OR5B21: variants seen among roughly 807,000 people sequenced by gnomAD.
OR5B21 encodes olfactory receptor 5B21.
For missense variants in OR5B21, 372 were observed against 375.7 expected (o/e 0.99, Z 0.08); for synonymous variants, 151 against 143.3 (o/e 1.05, Z -0.38).
chr11:58,507,265 T>G lies in OR5B21; in HGVS notation c.841A>C (p.Met281Leu). Residue 281 changes from methionine (M) to leucine (L), a missense_variant, in exon 1 of 1, where the codon ATG becomes CTG. Transcript: ENST00000360374. ...AGGCTGTATATCAAGGGATTCAGCA[T>G]GGGAATCACCACTGTGTAAAACACA... ...ASVFYTVVIP[M>L]LNPLIYSLRN... 2 of 1,614,082 alleles carry G rather than the reference T, an allele frequency of 1.2e-6. No individual in the cohort carries two copies. Among genetic ancestry groups the G allele is most frequent in the South Asian group, 1.1e-5 (1 of 91,082 alleles).
In OR5B21 at chr11:58,507,132, G is replaced by A; in HGVS notation, c.*44C>T. The A allele has an allele frequency of 7.3e-7, 1 of 1,361,430 alleles. No homozygotes were observed. Among genetic ancestry groups the A allele is most frequent in the South Asian group, 1.3e-5 (1 of 75,860 alleles). The allele number at this position is 1,361,430 out of a possible 1,614,324, so 84.3% of individuals were successfully genotyped here. On this transcript the variant is annotated 3_prime_UTR_variant, in exon 1 of 1. Coordinates refer to ENST00000360374, the MANE Select transcript of OR5B21 (RefSeq NM_001005218.3). The stretch of plus-strand genomic sequence containing the variant: ...AAGTCATGATGGCATTTAGGTGTGA[G>A]AGAAAGTTTATCCCTTAATTGCTTG...
In OR5B21 at chr11:58,507,176, T is replaced by G; in HGVS notation, c.930A>C (p.Ter310TyrextTer2). The G allele has an allele frequency of 6.3e-7, 1 of 1,591,512 alleles. No homozygotes were observed. The highest frequency in any genetic ancestry group is 8.6e-7 in the Non-Finnish European group (1 of 1,163,810). ...TTGCTTGCCTACTTCCCATTCACAT[T>G]TAATATTGGGGGTAAAGTTTGTTGA... Reference protein sequence around the residue: ...KILNKLYPQY* With the variant: ...KILNKLYPQYY The change falls in exon 1 of 1, where the codon TAA becomes TAC. Residue 310 changes from the stop codon to tyrosine, a stop_lost. Coordinates refer to ENST00000360374, the MANE Select transcript of OR5B21 (RefSeq NM_001005218.3).
At position 58,507,219 on chromosome 11, in the gene OR5B21, C is replaced by G. The variant is rs1442012802; in HGVS notation, c.887G>C (p.Ser296Thr). ...TTTGTTGAGTATTTTCCAGAGAGCA[C>G]TTTTCACTTCTTTGTTCCTAAGGCT... ...IYSLRNKEVK[S>T]ALWKILNKLY... The change falls in exon 1 of 1, where the codon AGT (serine) becomes ACT (threonine). Residue 296 changes from serine (S) to threonine (T), a missense_variant. Ser to Thr is a moderately conservative substitution (Grantham distance 58). Transcript: ENST00000360374. 2 of 1,612,180 alleles carry G rather than the reference C, an allele frequency of 1.2e-6. No individual in the cohort carries two copies. The highest frequency in any genetic ancestry group is 1.7e-6 in the Non-Finnish European group (2 of 1,178,500).
rs1461897582 is a variant in OR5B21, at chr11:58,507,265, T to A, written c.841A>T (p.Met281Leu). ...ASVFYTVVIP[M>L]LNPLIYSLRN... ...AGGCTGTATATCAAGGGATTCAGCA[T>A]GGGAATCACCACTGTGTAAAACACA... The change falls in exon 1 of 1, where the codon ATG becomes TTG. Residue 281 changes from methionine (M) to leucine (L), a missense_variant. Met to Leu is a conservative substitution (Grantham distance 15). Transcript: ENST00000360374. The A allele has an allele frequency of 1.2e-6, 2 of 1,613,966 alleles. No individual in the cohort carries two copies. Among genetic ancestry groups the A allele is most frequent in the African/African-American group, 2.7e-5 (2 of 74,926 alleles).
At position 58,507,064 on chromosome 11, in the gene OR5B21, G is replaced by T; in HGVS notation, c.*112C>A. The stretch of plus-strand genomic sequence containing the variant: ...ACATCTTCTAATAGCAGAAGTAACC[G>T]CTGTTCTTGGGGAAGAAAGAACTGA... On this transcript the variant is annotated 3_prime_UTR_variant, in exon 1 of 1. Coordinates refer to ENST00000360374, the MANE Select transcript of OR5B21 (RefSeq NM_001005218.3). The T allele has an allele frequency of 1.4e-6, 1 of 726,932 alleles. No homozygotes were observed. Among genetic ancestry groups the T allele is most frequent in the South Asian group, 1.9e-5 (1 of 52,446 alleles). The allele number at this position is 726,932 out of a possible 1,614,324, so 45.0% of individuals were successfully genotyped here. A position where few individuals can be genotyped will look rare whatever the true frequency, so the allele number is the denominator to read the frequency against.
At position 58,507,854 on chromosome 11, in the gene OR5B21, C is replaced by T; in HGVS notation, c.252G>A (p.Arg84=). The T allele has an allele frequency of 2.5e-6, 4 of 1,614,110 alleles. No homozygotes were observed. Among genetic ancestry groups the T allele is most frequent in the Non-Finnish European group, 3.4e-6 (4 of 1,180,018 alleles). The change falls in exon 1 of 1, where the codon CGG becomes CGA. Residue 84 remains arginine, a synonymous_variant. Coordinates refer to ENST00000360374, the MANE Select transcript of OR5B21 (RefSeq NM_001005218.3). The part of the protein sequence containing the change: ...AVAPKTVAAL[R]SGDKAISYDG... ...CGTAGGAGATGGCCTTGTCCCCTGACCGCAATGCAGCCACCGTTTTGGGGG... is the reference window on the plus strand; with the variant it reads ...CGTAGGAGATGGCCTTGTCCCCTGATCGCAATGCAGCCACCGTTTTGGGGG...
chr11:58,507,118 G>A lies in OR5B21; in HGVS notation c.*58C>T, dbSNP rs1248383559. Reference sequence around the variant, plus strand: ...CAGTCAAACGTTAAAAGTCATGATGGCATTTAGGTGTGAGAGAAAGTTTAT... The same window carrying A: ...CAGTCAAACGTTAAAAGTCATGATGACATTTAGGTGTGAGAGAAAGTTTAT... On this transcript the variant is annotated 3_prime_UTR_variant, in exon 1 of 1. Coordinates refer to ENST00000360374, the MANE Select transcript of OR5B21 (RefSeq NM_001005218.3). 3 of 1,178,128 alleles carry A rather than the reference G, an allele frequency of 2.5e-6. No homozygotes were observed. Among genetic ancestry groups the A allele is most frequent in the Middle Eastern group, 2.0e-4 (1 of 5,036 alleles). 73.0% of individuals were successfully genotyped at this position (1,178,128 alleles called of 1,614,324 possible). A position where few individuals can be genotyped will look rare whatever the true frequency, so the allele number is the denominator to read the frequency against.
chr11:58,507,861 G>C lies in OR5B21; in HGVS notation c.245C>G (p.Ala82Gly). 1 of 1,614,162 alleles carries C rather than the reference G, an allele frequency of 6.2e-7. No individual in the cohort carries two copies. ...SSAVAPKTVAALRSGDKAISY... is the reference protein window; with the variant it reads ...SSAVAPKTVAGLRSGDKAISY... ...GATGGCCTTGTCCCCTGACCGCAAT[G>C]CAGCCACCGTTTTGGGGGCTACAGC... The change falls in exon 1 of 1, where the codon GCA (alanine) becomes GGA (glycine). Residue 82 changes from alanine (A) to glycine (G), a missense_variant. Physicochemically the swap from Ala to Gly is moderately conservative, Grantham distance 60. Transcript: ENST00000360374.
Position 58,507,821 on chromosome 11 carries a change from A to C in OR5B21, c.285T>G (p.Cys95Trp). ...SGDKAISYDGCAAQFFFFVGF... is the reference protein window; with the variant it reads ...SGDKAISYDGWAAQFFFFVGF... ...CCACAAAGAAGAAGAACTGAGCTGC[A>C]CATCCATCGTAGGAGATGGCCTTGT... Residue 95 changes from cysteine to tryptophan, a missense_variant, in exon 1 of 1, where the codon TGT (cysteine) becomes TGG (tryptophan). Cys to Trp is a radical substitution (Grantham distance 215). Transcript: ENST00000360374. 2 of 1,614,138 alleles carry C rather than the reference A, an allele frequency of 1.2e-6. No individual in the cohort carries two copies. The highest frequency in any genetic ancestry group is 3.3e-5 in the Admixed American group (2 of 59,988).
chr11:58,507,467 A>C lies in OR5B21; in HGVS notation c.639T>G (p.Ile213Met). ...TGGTGATGCATATGAAGAAGTAAGAAATAAGGATGACCAGGAGGGTGAAAA... is the reference window on the plus strand; with the variant it reads ...TGGTGATGCATATGAAGAAGTAAGACATAAGGATGACCAGGAGGGTGAAAA... ...NVFFTLLVIL[I>M]SYFFICITIQ... is the part of the protein sequence containing the mutation. Residue 213 changes from isoleucine to methionine, a missense_variant, in exon 1 of 1, where the codon ATT (isoleucine) becomes ATG (methionine). By Grantham distance (10) the Ile-to-Met change is conservative. Coordinates refer to ENST00000360374, the MANE Select transcript of OR5B21 (RefSeq NM_001005218.3). 3.1e-6 allele frequency: 5 copies of C among 1,614,124 alleles called. No homozygotes were observed. The highest frequency in any genetic ancestry group is 4.2e-6 in the Non-Finnish European group (5 of 1,179,996).
chr11:58,508,070 G>A lies in OR5B21; in HGVS notation c.36C>T (p.Leu12=). The change falls in exon 1 of 1, where the codon CTC becomes CTT. Residue 12 remains leucine, a synonymous_variant. Transcript: ENST00000360374. ...ENSTEVTEFI[L]LGLTDDPNLQ... Reference sequence around the variant, plus strand: ...GATTGGGGTCATCTGTTAATCCCAAGAGGATAAACTCTGTCACTTCTGTGC... The same window carrying A: ...GATTGGGGTCATCTGTTAATCCCAAAAGGATAAACTCTGTCACTTCTGTGC... The A allele has an allele frequency of 6.2e-7, 1 of 1,613,910 alleles. No homozygotes were observed. The highest frequency in any genetic ancestry group is 8.5e-7 in the Non-Finnish European group (1 of 1,179,912).
Position 58,507,952 on chromosome 11 carries a change from G to A in OR5B21, c.154C>T (p.His52Tyr), listed in dbSNP as rs369101315. The change falls in exon 1 of 1, where the codon CAT becomes TAT. Residue 52 changes from histidine to tyrosine, a missense_variant. Coordinates refer to ENST00000360374, the MANE Select transcript of OR5B21 (RefSeq NM_001005218.3). ...AAAAAGTACATTGGAGTGTGGAGAT[G>A]GGAGTCTGAGTGGATGATCACCATC... is the stretch of plus-strand genomic sequence containing the variant. ...GMMVIIHSDS[H>Y]LHTPMYFFLS... 9.9e-6 allele frequency: 16 copies of A among 1,613,990 alleles called. No individual in the cohort carries two copies. In the African/African-American group the frequency reaches 2.0e-4, roughly 20 times the overall value.
Position 58,507,823 on chromosome 11 carries a change from A to G in OR5B21, c.283T>C (p.Cys95Arg). Residue 95 changes from cysteine (C) to arginine (R), a missense_variant, in exon 1 of 1, where the codon TGT becomes CGT. Physicochemically the swap from Cys to Arg is radical, Grantham distance 180 (BLOSUM62 -3). Transcript: ENST00000360374. The part of the protein sequence containing the change: ...SGDKAISYDG[C>R]AAQFFFFVGF... Reference sequence around the variant, plus strand: ...ACAAAGAAGAAGAACTGAGCTGCACATCCATCGTAGGAGATGGCCTTGTCC... The same window carrying G: ...ACAAAGAAGAAGAACTGAGCTGCACGTCCATCGTAGGAGATGGCCTTGTCC... 1.2e-6 allele frequency: 2 copies of G among 1,614,156 alleles called. No individual in the cohort carries two copies. Among genetic ancestry groups the G allele is most frequent in the Non-Finnish European group, 8.5e-7 (1 of 1,180,024 alleles).
rs1853051912 is a variant in OR5B21, at chr11:58,506,851, T to C, written c.*325A>G. Among the ~76,000 whole-genome samples, 1 of 152,252 alleles carries C rather than the reference T, an allele frequency of 6.6e-6. No individual in the cohort carries two copies. Among genetic ancestry groups the C allele is most frequent in the Non-Finnish European group, 1.5e-5 (1 of 68,038 alleles). On this transcript the variant is annotated 3_prime_UTR_variant, in exon 1 of 1. Coordinates refer to ENST00000360374, the MANE Select transcript of OR5B21 (RefSeq NM_001005218.3). The stretch of plus-strand genomic sequence containing the variant: ...GGTGAAATCTTTACACCAAGTTTAA[T>C]AGTGAATGAAAAATTCTTACAATTA...
chr11:58,506,827 G>A lies in OR5B21; in HGVS notation c.*349C>T, dbSNP rs1853051625. Among the ~76,000 whole-genome samples the A allele has an allele frequency of 6.6e-6, 1 of 152,124 alleles. No homozygotes were observed. Among genetic ancestry groups the A allele is most frequent in the Admixed American group, 6.5e-5 (1 of 15,278 alleles). Reference sequence around the variant, plus strand: ...GTGTGTTCAGTTGATAAAAATGAAGGTGAAATCTTTACACCAAGTTTAATA... The same window carrying A: ...GTGTGTTCAGTTGATAAAAATGAAGATGAAATCTTTACACCAAGTTTAATA... On this transcript the variant is annotated 3_prime_UTR_variant, in exon 1 of 1. Coordinates refer to ENST00000360374, the MANE Select transcript of OR5B21 (RefSeq NM_001005218.3).
rs541052996 is a variant in OR5B21 at position 58,507,334 on chromosome 11, G to T, written c.772C>A (p.Gln258Lys). 6.2e-7 allele frequency: 1 copy of T among 1,614,066 alleles called. No homozygotes were observed. Among genetic ancestry groups the T allele is most frequent in the African/African-American group, 1.3e-5 (1 of 74,928 alleles). Residue 258 changes from glutamine (Q) to lysine (K), a missense_variant, in exon 1 of 1, where the codon CAG becomes AAG. Transcript: ENST00000360374. ...TCCACGGACTGGCTGGAGTTGGGCT[G>T]TAAGTACATGAAGATGATTGTGCCA... ...FYGTIIFMYL[Q>K]PNSSQSVDTD...
Position 58,507,113 on chromosome 11 carries a change from T to G in OR5B21, c.*63A>C. ...GAAACCAGTCAAACGTTAAAAGTCA[T>G]GATGGCATTTAGGTGTGAGAGAAAG... On this transcript the variant is annotated 3_prime_UTR_variant, in exon 1 of 1. Transcript: ENST00000360374. 8.7e-7 allele frequency: 1 copy of G among 1,148,338 alleles called. No homozygotes were observed. The highest frequency in any genetic ancestry group is 1.3e-6 in the Non-Finnish European group (1 of 791,328). 71.1% of individuals were successfully genotyped at this position (1,148,338 alleles called of 1,614,324 possible).
chr11:58,507,469 TAAGG>T lies in OR5B21; in HGVS notation c.633_636del (p.Leu212PhefsTer58). On this transcript the variant is annotated frameshift_variant, in exon 1 of 1. Transcript: ENST00000360374. LOFTEE classifies it low-confidence loss of function (END_TRUNC). ...GTGATGCATATGAAGAAGTAAGAAA[TAAGG>T]ATGACCAGGAGGGTGAAAAAGACGT... The T allele has an allele frequency of 6.2e-7, 1 of 1,613,932 alleles. No homozygotes were observed. The highest frequency in any genetic ancestry group is 8.5e-7 in the Non-Finnish European group (1 of 1,179,980).
In OR5B21 at chr11:58,507,294, G is replaced by C. The variant is rs754974253; in HGVS notation, c.812C>G (p.Ala271Gly). The part of the protein sequence containing the change: ...SSQSVDTDKI[A>G]SVFYTVVIPM... ...AATCACCACTGTGTAAAACACAGAG[G>C]CTATTTTGTCTGTGTCCACGGACTG... is the stretch of plus-strand genomic sequence containing the variant. The change falls in exon 1 of 1, where the codon GCC (alanine) becomes GGC (glycine). Residue 271 changes from alanine to glycine, a missense_variant. By Grantham distance (60) the Ala-to-Gly change is moderately conservative. Transcript: ENST00000360374. 1 of 1,613,834 alleles carries C rather than the reference G, an allele frequency of 6.2e-7. No homozygotes were observed. Among genetic ancestry groups the C allele is most frequent in the African/African-American group, 1.3e-5 (1 of 74,916 alleles).
Sources: allele counts gnomAD v4.1 joint callset (sites outside exome capture counted in the v4.1 genomes callset), GRCh38; gene constraint gnomAD v4.1.1; transcripts MANE v1.5; gene names NCBI Gene and HGNC (gene_info 2026-07-23, HGNC 2026-07-21).